Variants in LIMK1 observed in about 807,000 individuals in gnomAD.
The protein encoded by LIMK1 is LIM domain kinase 1.
A neutral mutation model predicts 77.6 loss-of-function variants in LIMK1; 21 were observed. The ratio of observed to expected loss-of-function variants is 0.27; its 90% CI spans 0.19 to 0.39. The LOEUF (loss-of-function observed/expected upper bound fraction) is 0.39. LIMK1 is among the 10% of genes least tolerant of loss of function. The probability of loss-of-function intolerance (pLI) is 1.00; values close to 1 mark genes in which losing one functional copy is unlikely to be tolerated. For missense variants in LIMK1, 696 were observed against 901.6 expected (o/e 0.77, Z 2.92); for synonymous variants, 358 against 370.0 (o/e 0.97, Z 0.37).
At chr7:74,094,314 G>A (rs1456720884) in intron 2 of LIMK1, 2 of 152,290 alleles carry the variant, frequency 1.3e-5, no homozygotes, top group Non-Finnish European at 2.9e-5. Flanking sequence ...GCTGCTGAAA[G>A]TGAGCAACAG....
chr7:74,088,542 C>G (rs782503226), intron 2 of LIMK1, among the ~76,000 whole-genome samples: 1 of 151,884 alleles, frequency 6.6e-6, no homozygotes, highest in Admixed American at 6.6e-5. Context: ...GGCTCATCCC[C>G]GTAATCCCAG....
At chr7:74,108,750 C>T (rs1391488330) in intron 9 of LIMK1, among the ~76,000 whole-genome samples, 155 bp from the exon 10 acceptor site, 12 of 151,480 alleles carry the variant, frequency 7.9e-5, no homozygotes, top group African/African-American at 2.2e-4. Context: ...GGGCACAGGA[C>T]GCCAGAGGGT....
chr7:74,084,144 T>C, intron 1 of LIMK1, 99 bp downstream of exon 1: 1 of 516,122 alleles, frequency 1.9e-6, no homozygotes, highest in Non-Finnish European at 3.3e-6. Flanking sequence ...GCCGCGCCCC[T>C]GCCTCCTCCG....
chr7:74,119,875 T>C (rs1379866992), intron 13 of LIMK1, among the ~76,000 whole-genome samples: 1 of 152,116 alleles, frequency 6.6e-6, no homozygotes, highest in Non-Finnish European at 1.5e-5. Flanking sequence ...ACCACTGCAC[T>C]CTTGCCTGGA....
intron 12 of LIMK1, among the ~76,000 whole-genome samples, chr7:74,114,139 A>G (rs369052876): frequency 7.9e-5 from 12 of 151,860 alleles, no homozygotes; most frequent in Non-Finnish European, 1.3e-4. Flanking sequence ...AGTCTCAGCT[A>G]CTCATGAGAC....
intron 10 of LIMK1, 99 bp from the exon 11 acceptor site, chr7:74,111,549 C>T: frequency 1.0e-6 from 1 of 976,856 alleles, no homozygotes; most frequent in Non-Finnish European, 1.6e-6. Context: ...CCCAGGGACC[C>T]TCTAGGACGC....
rs115346668 is a variant in LIMK1, at chr7:74,092,265, C to T, written c.153-4357C>T. Among the ~76,000 whole-genome samples, 1,340 of 152,282 alleles carry T rather than the reference C, an allele frequency of 8.8e-3. 18 individuals are homozygous for T. Among genetic ancestry groups the T allele is most frequent in the African/African-American group, 0.029 (1,201 of 41,558 alleles). ...ACAGGCATGAGCCACTGCGCACAGGCAGCTGTGCATCTTTGAATGTCATAA... is the reference window on the plus strand; with the variant it reads ...ACAGGCATGAGCCACTGCGCACAGGTAGCTGTGCATCTTTGAATGTCATAA... On this transcript the variant is annotated intron_variant, in intron 2 of 15. Transcript: ENST00000336180.
chr7:74,108,637 G>C (rs1253906418), intron 9 of LIMK1, among the ~76,000 whole-genome samples: 2 of 147,404 alleles, frequency 1.4e-5, no homozygotes, highest in Admixed American at 6.9e-5. Context: ...GACAGAGTGA[G>C]ACTCCTTCTC....
At chr7:74,092,153 A>G (rs1166615809) in intron 2 of LIMK1, among the ~76,000 whole-genome samples, 2 of 151,176 alleles carry the variant, frequency 1.3e-5, no homozygotes, top group Non-Finnish European at 3.0e-5. Context: ...TTTAATAGAG[A>G]CGGGGTTTCA....
intron 1 of LIMK1, among the ~76,000 whole-genome samples, chr7:74,084,820 C>T (rs1204161659): frequency 3.3e-5 from 5 of 152,174 alleles, no homozygotes; most frequent in Non-Finnish European, 5.9e-5. Context: ...CCTTCGCTGA[C>T]CTGTCACTTA....
At chr7:74,100,493 G>A (rs1299254657) in intron 5 of LIMK1, among the ~76,000 whole-genome samples, 2 of 152,024 alleles carry the variant, frequency 1.3e-5, no homozygotes, top group Admixed American at 6.6e-5. Flanking sequence ...TGTGATACCA[G>A]CTCACTGCAA....
intron 10 of LIMK1, 73 bp from the exon 11 acceptor site, chr7:74,111,575 T>G (rs1396588136): frequency 7.7e-7 from 1 of 1,291,024 alleles, no homozygotes; most frequent in African/African-American, 1.5e-5. Context: ...TCTTCCTGCC[T>G]CTGTCTCATG....
At chr7:74,109,361 A>C in intron 10 of LIMK1, 1 of 286,440 alleles carries the variant, frequency 3.5e-6, no homozygotes. Context: ...CCCTGTCTCA[A>C]AAACTAAAAT....
intron 13 of LIMK1, among the ~76,000 whole-genome samples, chr7:74,116,329 G>A (rs1412136001): frequency 6.6e-6 from 1 of 152,144 alleles, no homozygotes; most frequent in Admixed American, 6.6e-5. Flanking sequence ...CAGGAGAATC[G>A]CTTGAACCTG....
chr7:74,106,012 A>T, intron 6 of LIMK1, 32 bp downstream of exon 6: 8 of 1,611,784 alleles, frequency 5.0e-6, no homozygotes, highest in Non-Finnish European at 5.9e-6. Flanking sequence ...GCAGGACGGG[A>T]GGTAGTGCCT....
chr7:74,108,981 A>G lies in LIMK1; in HGVS notation c.1229A>G (p.Asn410Ser). The change falls in exon 10 of 16, where the codon AAC becomes AGC. Residue 410 changes from asparagine to serine, a missense_variant. By Grantham distance (46) the Asn-to-Ser change is conservative. This residue lies in a region of LIMK1 where 438 missense variants were observed against 602.3 expected (regional missense o/e 0.73). Coordinates refer to ENST00000336180, the MANE Select transcript of LIMK1 (RefSeq NM_002314.4). The stretch of plus-strand genomic sequence containing the variant: ...GTGCTCTACAAGGACAAGAGGCTCA[A>G]CTTCATCACTGAGTACATCAAGGGC... Reference protein sequence around the residue: ...IGVLYKDKRLNFITEYIKGGT... With the variant: ...IGVLYKDKRLSFITEYIKGGT... 1 of 1,614,104 alleles carries G rather than the reference A, an allele frequency of 6.2e-7. No individual in the cohort carries two copies. Among genetic ancestry groups the G allele is most frequent in the East Asian group, 2.2e-5 (1 of 44,872 alleles).
chr7:74,112,068 G>T, intron 12 of LIMK1, 70 bp downstream of exon 12: 1 of 1,279,562 alleles, frequency 7.8e-7, no homozygotes, highest in Non-Finnish European at 1.1e-6. Context: ...CAGCCTCAGG[G>T]CCTTCCCAGA....
At chr7:74,107,741 TCCC>T in intron 8 of LIMK1, 127 bp from the exon 9 acceptor site, 1 of 638,936 alleles carries the variant, frequency 1.6e-6, no homozygotes, top group Non-Finnish European at 2.8e-6. Context: ...TTTGGGAACA[TCCC>T]ATGCACAGCC....
intron 4 of LIMK1, 85 bp downstream of exon 4, chr7:74,097,274 C>T (rs781819193): frequency 3.9e-6 from 3 of 777,786 alleles, no homozygotes; most frequent in Non-Finnish European, 6.0e-6. Context: ...ACACCCGGGC[C>T]TCCTGCCCTT....
Sources: allele counts gnomAD v4.1 joint callset (sites outside exome capture counted in the v4.1 genomes callset), GRCh38; gene constraint gnomAD v4.1.1; regional missense constraint gnomAD v4.1.1; transcripts MANE v1.5; gene names NCBI Gene and HGNC (gene_info 2026-07-23, HGNC 2026-07-21).